Variants in SHROOM3 observed in about 807,000 individuals in gnomAD.
SHROOM3 encodes shroom family member 3.
SHROOM3 carries 47 observed loss-of-function variants against 138.6 expected under a neutral mutation model. The ratio of observed to expected loss-of-function variants is 0.34; its 90% CI spans 0.27 to 0.43. SHROOM3 has a LOEUF of 0.43. Ranked by LOEUF, SHROOM3 falls within the 20% of genes least tolerant of loss-of-function variation. SHROOM3 has a pLI of 1.00. For missense variants in SHROOM3, 2,491 were observed against 2,596.5 expected (o/e 0.96, Z 0.88); for synonymous variants, 1,062 against 1,063.3 (o/e 1.00, Z 0.02).
rs1201551648 is a variant in SHROOM3, at chr4:76,740,495, C to T, written c.2322C>T (p.Tyr774=). The T allele has an allele frequency of 6.2e-6, 10 of 1,613,102 alleles. No homozygotes were observed. The highest frequency in any genetic ancestry group is 4.0e-5 in the African/African-American group (3 of 74,880). ...CCTCGGCTCTTCAGGGCTTTCAGTACGGGAAGCCCCACTGCTCGGTGCTGG... is the reference window on the plus strand; with the variant it reads ...CCTCGGCTCTTCAGGGCTTTCAGTATGGGAAGCCCCACTGCTCGGTGCTGG... ...GSASALQGFQ[Y]GKPHCSVLEK... Residue 774 remains tyrosine (Y), a synonymous_variant, in exon 5 of 11, where the codon TAC becomes TAT. Transcript: ENST00000296043. This position sits in a 1 kb window ranked among gnomAD's most constrained non-coding sequence, Gnocchi z 4.0.
In SHROOM3 at chr4:76,771,739, C is replaced by T. The variant is rs114180878; in HGVS notation, c.5622+841C>T. 2.8e-3 allele frequency among the ~76,000 whole-genome samples: 426 copies of T among 152,336 alleles called. 2 individuals carry two copies. Among genetic ancestry groups the T allele is most frequent in the African/African-American group, 9.8e-3 (407 of 41,588 alleles). On this transcript the variant is annotated intron_variant, in intron 10 of 10. Transcript: ENST00000296043. ...CTTATGCGCAGTCTCATGGAATCCT[C>T]ACAACAGCCCAGTGAGGGAGCTAGG... is the stretch of plus-strand genomic sequence containing the variant.
intron 2 of SHROOM3, among the ~76,000 whole-genome samples, chr4:76,598,318 AC>A: frequency 6.6e-6 from 1 of 152,060 alleles, no homozygotes; most frequent in South Asian, 2.1e-4. Context: ...GAGCCACCAC[AC>A]CTGGCCAAAA....
At position 76,748,982 on chromosome 4, in the gene SHROOM3, T is replaced by C. The variant is rs761262943; in HGVS notation, c.3754-35T>C. 1.2e-6 allele frequency: 2 copies of C among 1,605,706 alleles called. 1 individual carries two copies. Among genetic ancestry groups the C allele is most frequent in the Non-Finnish European group, 1.7e-6 (2 of 1,172,384 alleles). On this transcript the variant is annotated intron_variant, in intron 5 of 10. Transcript: ENST00000296043. ...CTTGGTAAATTTAAACACCCGTTTATTGGCAGTAATGCTGTGCCTTTCTTG... is the reference window on the plus strand; with the variant it reads ...CTTGGTAAATTTAAACACCCGTTTACTGGCAGTAATGCTGTGCCTTTCTTG...
chr4:76,553,063 T>G (rs547411831), intron 1 of SHROOM3, among the ~76,000 whole-genome samples: 3 of 152,364 alleles, frequency 2.0e-5, no homozygotes, highest in Admixed American at 2.0e-4. Flanking sequence ...TTTTGTCCAC[T>G]TTTATAGCCC....
Position 76,488,063 on chromosome 4 carries a change from A to C in SHROOM3, c.168+51843A>C, listed in dbSNP as rs72864651. Reference sequence around the variant, plus strand: ...TGAAACTATGAAGAAGCTGCAGTTGACTTCCTTCAACCTAATCTTAGCTTC... The same window carrying C: ...TGAAACTATGAAGAAGCTGCAGTTGCCTTCCTTCAACCTAATCTTAGCTTC... On this transcript the variant is annotated intron_variant, in intron 1 of 10. Transcript: ENST00000296043. 2.7e-3 allele frequency among the ~76,000 whole-genome samples: 406 copies of C among 152,296 alleles called. 5 individuals are homozygous for C. Among genetic ancestry groups the C allele is most frequent in the African/African-American group, 9.5e-3 (396 of 41,558 alleles).
At chr4:76,703,486 C>T (rs1719961536) in intron 2 of SHROOM3, among the ~76,000 whole-genome samples, 1 of 152,122 alleles carries the variant, frequency 6.6e-6, no homozygotes, top group Non-Finnish European at 1.5e-5. Context: ...ATGAAGAGCA[C>T]CTATGTTTGG....
intron 2 of SHROOM3, among the ~76,000 whole-genome samples, chr4:76,565,816 T>C (rs981010756): frequency 1.3e-5 from 2 of 151,998 alleles, no homozygotes; most frequent in South Asian, 4.2e-4. Flanking sequence ...TATTGGAAAC[T>C]TTAAAAGCGC....
At chr4:76,687,984 C>A (rs539897415) in intron 2 of SHROOM3, among the ~76,000 whole-genome samples, 6 of 152,200 alleles carry the variant, frequency 3.9e-5, no homozygotes, top group African/African-American at 1.2e-4. Flanking sequence ...CTTACTCCCC[C>A]CCACGCGCAA....
At chr4:76,507,855 T>A (rs1007697044) in intron 1 of SHROOM3, among the ~76,000 whole-genome samples, 1 of 152,182 alleles carries the variant, frequency 6.6e-6, no homozygotes, top group Non-Finnish European at 1.5e-5. Flanking sequence ...GTCGTTTGTA[T>A]ATCTTCTTAT....
chr4:76,652,088 T>C (rs1406853950), intron 2 of SHROOM3, among the ~76,000 whole-genome samples: 2 of 152,190 alleles, frequency 1.3e-5, no homozygotes, highest in Non-Finnish European at 2.9e-5. Flanking sequence ...ATGAATTAAG[T>C]GTTCAATTCA....
intron 1 of SHROOM3, among the ~76,000 whole-genome samples, chr4:76,499,572 G>T (rs550266889): frequency 6.6e-6 from 1 of 152,148 alleles, no homozygotes; most frequent in African/African-American, 2.4e-5. Flanking sequence ...ACTAGAGTTA[G>T]TTCAAAAATA....
At chr4:76,729,810 C>T (rs1720822844) in intron 3 of SHROOM3, among the ~76,000 whole-genome samples, 1 of 152,164 alleles carries the variant, frequency 6.6e-6, no homozygotes, top group African/African-American at 2.4e-5. Flanking sequence ...ATTTATATTA[C>T]AAAAACTAAT....
intron 2 of SHROOM3, among the ~76,000 whole-genome samples, chr4:76,695,798 T>G (rs1445823906): frequency 6.6e-6 from 1 of 152,160 alleles, no homozygotes; most frequent in Non-Finnish European, 1.5e-5. Flanking sequence ...TCCATTGCAG[T>G]GTGGAGTTAA....
intron 1 of SHROOM3, among the ~76,000 whole-genome samples, chr4:76,544,807 C>T (rs1350019537): frequency 6.6e-6 from 1 of 152,176 alleles, no homozygotes. Flanking sequence ...ACAGCATAGA[C>T]GTTGATGGAA....
intron 2 of SHROOM3, among the ~76,000 whole-genome samples, chr4:76,582,330 C>T (rs968558939): frequency 1.1e-4 from 17 of 151,938 alleles, no homozygotes; most frequent in Non-Finnish European, 5.9e-5. Context: ...ATCTACCTTA[C>T]AACACCTAGA....
At chr4:76,446,419 GCGGT>G (rs368087191) in intron 1 of SHROOM3, among the ~76,000 whole-genome samples, 47,660 of 151,392 alleles carry the variant, frequency 0.31, 8,858 homozygotes, top group Non-Finnish European at 0.43. Context: ...TGAAATGGCG[GCGGT>G]GGGGGATGCA....
At chr4:76,502,150 G>A (rs1490910001) in intron 1 of SHROOM3, among the ~76,000 whole-genome samples, 1 of 152,034 alleles carries the variant, frequency 6.6e-6, no homozygotes, top group East Asian at 1.9e-4. Context: ...GTGCCGTCTC[G>A]GGACTCTCCA....
chr4:76,563,845 A>G (rs992764858), intron 2 of SHROOM3, among the ~76,000 whole-genome samples: 1 of 152,196 alleles, frequency 6.6e-6, no homozygotes, highest in Non-Finnish European at 1.5e-5. Flanking sequence ...TTTCTGTGCC[A>G]TGGTAAGTTC....
intron 1 of SHROOM3, among the ~76,000 whole-genome samples, chr4:76,517,164 C>T (rs563352579): frequency 1.3e-5 from 2 of 152,264 alleles, no homozygotes; most frequent in South Asian, 4.1e-4. Context: ...AAGAACTTTG[C>T]TTTGAGCTTT....
Sources: gnomAD v4.1 joint callset for allele counts (sites outside exome capture counted in the v4.1 genomes callset) on GRCh38, gnomAD v4.1.1 for gene constraint, Gnocchi (gnomAD v3.1) non-coding constraint, MANE v1.5 for transcripts, NCBI Gene and HGNC (gene_info 2026-07-23, HGNC 2026-07-21) for gene names.